Variants in MAPKAP1 observed in about 807,000 individuals in gnomAD.
The protein encoded by MAPKAP1 is MAPK associated protein 1, also known as target of rapamycin complex 2 subunit MAPKAP1.
Under a neutral mutation model 65.7 loss-of-function variants are expected in MAPKAP1, and 20 were observed. That is an observed-to-expected ratio of 0.30 (90% CI 0.21 to 0.44). The LOEUF (loss-of-function observed/expected upper bound fraction) is 0.44, where lower values mean the gene tolerates loss of function less well. MAPKAP1 is among the 20% of genes least tolerant of loss of function. The pLI is 1.00. For missense variants in MAPKAP1, 423 were observed against 648.0 expected, an observed-to-expected ratio of 0.65 and a Z score of 3.77; for synonymous variants, 222 against 244.3, an observed-to-expected ratio of 0.91 and a Z score of 0.85.
In MAPKAP1 at chr9:125,707,172, C is replaced by G. The variant is rs1835792680; in HGVS notation, c.-271G>C. ...CCTGCTGCTCGCCGCCGCCGGCCGG[C>G]CGAGCAGCAGCCCTATTACCCCGAG... is the stretch of plus-strand genomic sequence containing the variant. On this transcript the variant is annotated 5_prime_UTR_variant, in exon 1 of 12. Transcript: ENST00000265960. The G allele has an allele frequency of 5.0e-6, 2 of 398,190 alleles. No homozygotes were observed. The highest frequency in any genetic ancestry group is 8.9e-6 in the Non-Finnish European group (2 of 225,746). The allele number at this position is 398,190 out of a possible 1,614,324, so 24.7% of individuals were successfully genotyped here.
intron 9 of MAPKAP1, 136 bp downstream of exon 9, chr9:125,484,307 T>G: frequency 1.1e-6 from 1 of 893,984 alleles, no homozygotes. Context: ...TCAAATTCCA[T>G]TGTTTAAACA....
chr9:125,444,079 T>G (rs182290474), intron 11 of MAPKAP1, among the ~76,000 whole-genome samples: 1 of 152,364 alleles, frequency 6.6e-6, no homozygotes, highest in Admixed American at 6.5e-5. Flanking sequence ...AAGTTAGGTA[T>G]GTTTAGAACA....
intron 6 of MAPKAP1, among the ~76,000 whole-genome samples, chr9:125,554,713 T>C (rs994002682): frequency 2.0e-5 from 3 of 149,418 alleles, no homozygotes; most frequent in African/African-American, 4.9e-5. Flanking sequence ...GGAGGGTCCT[T>C]TGAGCCCAGG....
intron 4 of MAPKAP1, among the ~76,000 whole-genome samples, chr9:125,600,216 G>GA (rs1832262348): frequency 7.5e-6 from 1 of 133,970 alleles, no homozygotes. Flanking sequence ...GAAGTATGAA[G>GA]GAAAAAAAAA....
rs141974849 is a variant in MAPKAP1, at chr9:125,582,769, G to T, written c.671+2786C>A. ...TGTCATTTCCTCTGGTCCCCGTCCAGGGATGCAGTTCCTTTGGTCCCATAC... is the reference window on the plus strand; with the variant it reads ...TGTCATTTCCTCTGGTCCCCGTCCATGGATGCAGTTCCTTTGGTCCCATAC... On this transcript the variant is annotated intron_variant, in intron 5 of 11. Transcript: ENST00000265960. 3.1e-3 allele frequency among the ~76,000 whole-genome samples: 472 copies of T among 152,318 alleles called. 2 individuals carry two copies. Among genetic ancestry groups the T allele is most frequent in the Middle Eastern group, 6.8e-3 (2 of 294 alleles).
chr9:125,547,138 TCC>T (rs1465508713), intron 6 of MAPKAP1, among the ~76,000 whole-genome samples: 2 of 152,160 alleles, frequency 1.3e-5, no homozygotes, highest in African/African-American at 4.8e-5. Flanking sequence ...TTCAGCTCCG[TCC>T]CAGCGCACAG....
At chr9:125,550,605 T>TA in intron 6 of MAPKAP1, among the ~76,000 whole-genome samples, 1 of 152,356 alleles carries the variant, frequency 6.6e-6, no homozygotes, top group East Asian at 1.9e-4. Flanking sequence ...TAGAAGTGTG[T>TA]AATTAATGCT....
At position 125,541,749 on chromosome 9, in the gene MAPKAP1, G is replaced by A. The variant is rs927159566; in HGVS notation, c.958+1310C>T. ...CAGAACACCATTCATCCCAGCTAAC[G>A]ACTTGTTCATTATGAGTGATGATGG... On this transcript the variant is annotated intron_variant, in intron 7 of 11. Coordinates refer to ENST00000265960, the MANE Select transcript of MAPKAP1 (RefSeq NM_001006617.3). Among the ~76,000 whole-genome samples the A allele has an allele frequency of 3.3e-5, 5 of 152,292 alleles. No homozygotes were observed. In the South Asian group the frequency reaches 8.3e-4, roughly 25 times the overall value.
intron 8 of MAPKAP1, among the ~76,000 whole-genome samples, chr9:125,494,500 C>T (rs1444241672): frequency 2.0e-5 from 3 of 152,176 alleles, no homozygotes; most frequent in African/African-American, 7.2e-5. Flanking sequence ...TTCAGACCCC[C>T]TTCAATAAAT....
chr9:125,614,398 C>T (rs1005731489), intron 4 of MAPKAP1, among the ~76,000 whole-genome samples: 1 of 152,092 alleles, frequency 6.6e-6, no homozygotes, highest in Admixed American at 6.5e-5. Context: ...CCAAGGTGGG[C>T]AGATCACCTG....
chr9:125,625,262 A>T (rs377559473), intron 4 of MAPKAP1, among the ~76,000 whole-genome samples: 8,637 of 86,534 alleles, frequency 0.1, 494 homozygotes, highest in Middle Eastern at 0.16. Context: ...AAATAAAAAA[A>T]AAAAAAAAAA....
intron 4 of MAPKAP1, among the ~76,000 whole-genome samples, chr9:125,598,986 G>C (rs1832221811): frequency 6.7e-6 from 1 of 149,862 alleles, no homozygotes; most frequent in Admixed American, 6.7e-5. Flanking sequence ...GTTACAGTGA[G>C]CCAGCACTGC....
chr9:125,496,047 T>C (rs1405093345), intron 8 of MAPKAP1, among the ~76,000 whole-genome samples: 1 of 152,190 alleles, frequency 6.6e-6, no homozygotes, highest in African/African-American at 2.4e-5. Flanking sequence ...CTTGTTTCAA[T>C]GGTTTAAGCC....
At chr9:125,532,396 G>A (rs1829958658) in intron 7 of MAPKAP1, among the ~76,000 whole-genome samples, 1 of 152,154 alleles carries the variant, frequency 6.6e-6, no homozygotes, top group East Asian at 1.9e-4. Context: ...TCCAATCTGA[G>A]GATATTGTCT....
At chr9:125,466,514 T>C (rs768089428) in intron 10 of MAPKAP1, among the ~76,000 whole-genome samples, 15 of 152,212 alleles carry the variant, frequency 9.9e-5, no homozygotes, top group Admixed American at 3.9e-4. Flanking sequence ...GGAGAATTTA[T>C]AAAATGTTAC....
At chr9:125,568,485 T>A (rs973361121) in intron 5 of MAPKAP1, among the ~76,000 whole-genome samples, 5 of 152,204 alleles carry the variant, frequency 3.3e-5, no homozygotes, top group Non-Finnish European at 7.3e-5. Flanking sequence ...CTTCCTAAGC[T>A]CTTCACCTTC....
intron 10 of MAPKAP1, among the ~76,000 whole-genome samples, chr9:125,458,260 G>A (rs568167087): frequency 1.4e-3 from 203 of 146,744 alleles, no homozygotes; most frequent in African/African-American, 5.0e-3. Context: ...GGTGTTTCTC[G>A]CAGAGTGGGA....
At chr9:125,529,533 C>T (rs910054429) in intron 7 of MAPKAP1, among the ~76,000 whole-genome samples, 1 of 150,932 alleles carries the variant, frequency 6.6e-6, no homozygotes, top group Non-Finnish European at 1.5e-5. Context: ...AAAAAAAAGG[C>T]GAAAAAAGAA....
At chr9:125,652,139 C>G (rs1396061477) in intron 4 of MAPKAP1, 8 of 1,310,534 alleles carry the variant, frequency 6.1e-6, no homozygotes, top group Non-Finnish European at 8.0e-6. Context: ...TGCAACATTT[C>G]TCGGTGGCTT....
Sources: allele counts gnomAD v4.1 joint callset (sites outside exome capture counted in the v4.1 genomes callset), GRCh38; gene constraint gnomAD v4.1.1; transcripts MANE v1.5; gene names NCBI Gene and HGNC (gene_info 2026-07-23, HGNC 2026-07-21).